The following ADGRL3 variants were observed in gnomAD, a reference collection of about 807,000 sequenced individuals.
ADGRL3 encodes the protein adhesion G protein-coupled receptor L3, also known as calcium-independent alpha-latrotoxin receptor 3.
ADGRL3 carries 62 observed loss-of-function variants against 153.5 expected under a neutral mutation model. The observed-to-expected ratio is 0.40, with a 90% CI of 0.33 to 0.50. The LOEUF is 0.50. ADGRL3 is among the 20% of genes least tolerant of loss of function. The probability of loss-of-function intolerance (pLI) is 0.47; values close to 1 mark genes in which losing one functional copy is unlikely to be tolerated. For missense variants in ADGRL3, 1,641 were observed against 1,859.4 expected, an observed-to-expected ratio of 0.88 and a Z score of 2.16; for synonymous variants, 710 against 672.5, an observed-to-expected ratio of 1.06 and a Z score of -0.86.
At chr4:61,791,496 GC>G (rs974894575) in intron 8 of ADGRL3, among the ~76,000 whole-genome samples, 3 of 152,188 alleles carry the variant, frequency 2.0e-5, no homozygotes, top group African/African-American at 7.2e-5. Flanking sequence ...CTCCCTCCTG[GC>G]TGCTTTCATG....
At chr4:61,484,872 G>GT (rs1262530573) in intron 2 of ADGRL3, among the ~76,000 whole-genome samples, 1 of 150,970 alleles carries the variant, frequency 6.6e-6, no homozygotes, top group Non-Finnish European at 1.5e-5. Flanking sequence ...AATTTGGTAG[G>GT]TACGTATAAA....
In ADGRL3 at chr4:62,045,433, ATAT is replaced by A. The variant is rs1225889059; in HGVS notation, c.3814+892_3814+894del. On this transcript the variant is annotated intron_variant, in intron 25 of 26. Coordinates refer to ENST00000683033, the MANE Select transcript of ADGRL3 (RefSeq NM_001387552.1). ...TGAATTTAAGGTATTTTTATGATCGATATTATTATTTTGTATCCCCAAACTAGA... is the reference window on the plus strand; with the variant it reads ...TGAATTTAAGGTATTTTTATGATCGATATTATTTTGTATCCCCAAACTAGA... 7.2e-5 allele frequency among the ~76,000 whole-genome samples: 11 copies of A among 151,952 alleles called. No homozygotes were observed. In the East Asian group the frequency reaches 2.1e-3, roughly 29 times the overall value.
chr4:61,477,368 TACACAC>T (rs5858703), intron 2 of ADGRL3, among the ~76,000 whole-genome samples: 24 of 150,282 alleles, frequency 1.6e-4, no homozygotes, highest in South Asian at 4.2e-4. Flanking sequence ...ATAGTGATGT[TACACAC>T]ACACACACAC....
chr4:61,856,992 C>CTTTT, intron 9 of ADGRL3, among the ~76,000 whole-genome samples: 2 of 121,728 alleles, frequency 1.6e-5, no homozygotes, highest in Non-Finnish European at 3.3e-5. Context: ...TTCTTTCTTT[C>CTTTT]TTTCTTTCTT....
At chr4:61,293,778 TG>T (rs1445741395) in intron 1 of ADGRL3, among the ~76,000 whole-genome samples, 2 of 152,180 alleles carry the variant, frequency 1.3e-5, no homozygotes, top group African/African-American at 4.8e-5. Context: ...CAGTGAGCTT[TG>T]GGGAAAGGTC....
At chr4:62,033,846 TGTTAAA>T (rs1435378158) in intron 23 of ADGRL3, among the ~76,000 whole-genome samples, 2 of 151,816 alleles carry the variant, frequency 1.3e-5, no homozygotes, top group African/African-American at 2.4e-5. Flanking sequence ...AATTTTTAAA[TGTTAAA>T]GTTAATTTGG....
intron 2 of ADGRL3, among the ~76,000 whole-genome samples, chr4:61,438,801 G>A (rs1384081184): frequency 2.7e-5 from 4 of 150,446 alleles, no homozygotes; most frequent in East Asian, 4.0e-4. Context: ...TCCGCCTCCC[G>A]GGTTCACACC....
At chr4:61,898,234 G>A (rs547074215) in intron 11 of ADGRL3, among the ~76,000 whole-genome samples, 56 of 152,170 alleles carry the variant, frequency 3.7e-4, no homozygotes, top group African/African-American at 1.3e-3. Flanking sequence ...GCAAATGGGA[G>A]GTACCCAACA....
intron 1 of ADGRL3, among the ~76,000 whole-genome samples, chr4:61,236,477 T>C (rs1008526449): frequency 6.6e-6 from 1 of 152,178 alleles, no homozygotes; most frequent in South Asian, 2.1e-4. Context: ...TTGTTTATTT[T>C]TTGGTATTAG....
At position 61,983,428 on chromosome 4, in the gene ADGRL3, G is replaced by T. The variant is rs765086852; in HGVS notation, c.3061G>T (p.Ala1021Ser). Residue 1021 changes from alanine (A) to serine (S), a missense_variant, in exon 19 of 27, where the codon GCT (alanine) becomes TCT (serine). Ala to Ser is a moderately conservative substitution (Grantham distance 99). This residue lies in a region of ADGRL3 where 734 missense variants were observed against 797.0 expected (regional missense o/e 0.92). Coordinates refer to ENST00000683033, the MANE Select transcript of ADGRL3 (RefSeq NM_001387552.1). ...FAALLHFFFL[A>S]AFTWMFLEGV... ...TGCCCTGTTACATTTCTTCTTCTTGGCTGCCTTCACCTGGATGTTCCTGGA... is the reference window on the plus strand; with the variant it reads ...TGCCCTGTTACATTTCTTCTTCTTGTCTGCCTTCACCTGGATGTTCCTGGA... 9 of 1,613,716 alleles carry T rather than the reference G, an allele frequency of 5.6e-6. No individual in the cohort carries two copies. The South Asian group carries it at 8.8e-5, about 16-fold the overall frequency.
intron 4 of ADGRL3, among the ~76,000 whole-genome samples, chr4:61,582,101 C>A (rs977247633): frequency 6.6e-6 from 1 of 151,886 alleles, no homozygotes; most frequent in African/African-American, 2.4e-5. Flanking sequence ...ATAATTGTAG[C>A]AAACAGACAA....
chr4:61,477,210 G>T (rs746338685), intron 2 of ADGRL3, among the ~76,000 whole-genome samples: 1 of 151,972 alleles, frequency 6.6e-6, no homozygotes, highest in Non-Finnish European at 1.5e-5. Context: ...CAGAAAAATC[G>T]AATGAATTTT....
chr4:61,990,881 A>C (rs1203502756), intron 19 of ADGRL3, among the ~76,000 whole-genome samples: 1 of 151,426 alleles, frequency 6.6e-6, no homozygotes, highest in Admixed American at 6.6e-5. Flanking sequence ...AGTTTACCCG[A>C]GTATCACATT....
intron 5 of ADGRL3, among the ~76,000 whole-genome samples, chr4:61,608,037 G>A (rs1056848726): frequency 2.0e-5 from 3 of 152,132 alleles, no homozygotes; most frequent in Non-Finnish European, 2.9e-5. Context: ...GATTCAGACC[G>A]TGAGAAAAGA....
At chr4:62,000,403 T>C (rs982919142) in intron 21 of ADGRL3, among the ~76,000 whole-genome samples, 3 of 152,068 alleles carry the variant, frequency 2.0e-5, no homozygotes, top group African/African-American at 4.8e-5. Flanking sequence ...TGTATTTCTT[T>C]AGGTAATGTG....
intron 1 of ADGRL3, among the ~76,000 whole-genome samples, chr4:61,274,715 G>A (rs1053470850): frequency 1.3e-5 from 2 of 152,076 alleles, no homozygotes; most frequent in African/African-American, 4.8e-5. Context: ...CTTGAGGCCA[G>A]GAGTTCAAGA....
At chr4:61,484,638 A>G (rs1348448145) in intron 2 of ADGRL3, among the ~76,000 whole-genome samples, 1 of 152,160 alleles carries the variant, frequency 6.6e-6, no homozygotes, top group African/African-American at 2.4e-5. Context: ...ATTAGCACCT[A>G]TTAAGAACCC....
At chr4:61,825,604 A>T (rs1419758055) in intron 9 of ADGRL3, among the ~76,000 whole-genome samples, 2 of 152,206 alleles carry the variant, frequency 1.3e-5, no homozygotes, top group African/African-American at 4.8e-5. Context: ...AAAATAATTT[A>T]TTACAGTCTT....
chr4:61,636,339 A>G (rs1322470748), intron 5 of ADGRL3, among the ~76,000 whole-genome samples: 2 of 152,190 alleles, frequency 1.3e-5, no homozygotes, highest in Non-Finnish European at 2.9e-5. Context: ...AATTATCAGT[A>G]AAGGATTTTA....
Sources: allele counts gnomAD v4.1 joint callset (sites outside exome capture counted in the v4.1 genomes callset), GRCh38; gene constraint gnomAD v4.1.1; regional missense constraint gnomAD v4.1.1; transcripts MANE v1.5; gene names NCBI Gene and HGNC (gene_info 2026-07-23, HGNC 2026-07-21).